Variants in TENM2 observed in about 807,000 individuals in gnomAD.
TENM2 encodes the protein teneurin transmembrane protein 2.
A neutral mutation model predicts 245.2 loss-of-function variants in TENM2; 52 were observed. That is an observed-to-expected ratio of 0.21 (90% confidence interval 0.17 to 0.27). TENM2 has a LOEUF of 0.27. Among genes scored for constraint, TENM2 ranks in the 10% least tolerant of loss-of-function variants. The pLI is 1.00. For missense variants in TENM2, 3,046 were observed against 3,666.8 expected (o/e 0.83, Z 4.37); for synonymous variants, 1,363 against 1,438.9 (o/e 0.95, Z 1.19).
intron 27 of TENM2, among the ~76,000 whole-genome samples, chr5:168,253,586 C>T (rs541338336): frequency 9.2e-5 from 14 of 151,876 alleles, no homozygotes; most frequent in African/African-American, 3.1e-4. Flanking sequence ...CCACCACGCC[C>T]GGCTAATTGT....
the TENM2 span, among the ~76,000 whole-genome samples, chr5:167,146,672 C>T: frequency 1.6e-4 from 25 of 152,110 alleles, no homozygotes; most frequent in Non-Finnish European, 2.8e-4. Context: ...AGCCTGAAAA[C>T]GGACTCGAAT....
intron 2 of TENM2, among the ~76,000 whole-genome samples, chr5:167,401,027 G>T (rs1762337891): frequency 6.6e-6 from 1 of 151,964 alleles, no homozygotes; most frequent in Non-Finnish European, 1.5e-5. Flanking sequence ...GGAGGTTGAG[G>T]CTGCAGTAAA....
At chr5:167,985,177 T>C (rs1420619599) in intron 4 of TENM2, among the ~76,000 whole-genome samples, 1 of 152,232 alleles carries the variant, frequency 6.6e-6, no homozygotes, top group Non-Finnish European at 1.5e-5. Flanking sequence ...AGTGCACACC[T>C]GATCTCCCTC....
At chr5:167,129,282 G>A in the TENM2 span, among the ~76,000 whole-genome samples, 1 of 152,066 alleles carries the variant, frequency 6.6e-6, no homozygotes, top group Non-Finnish European at 1.5e-5. Context: ...ATTTATTGCT[G>A]GTGTCCCGGC....
intron 2 of TENM2, among the ~76,000 whole-genome samples, chr5:167,840,136 C>T (rs1267817497): frequency 3.3e-5 from 5 of 152,196 alleles, no homozygotes; most frequent in Non-Finnish European, 4.4e-5. Flanking sequence ...TTTCCTTATT[C>T]AAGGCCAACC....
At chr5:167,232,024 C>T in the TENM2 span, among the ~76,000 whole-genome samples, 1 of 152,192 alleles carries the variant, frequency 6.6e-6, no homozygotes, top group Admixed American at 6.5e-5. Context: ...TGGTATTAGA[C>T]CTGTGGTTGC....
chr5:167,161,468 A>C, the TENM2 span, among the ~76,000 whole-genome samples: 29 of 152,368 alleles, frequency 1.9e-4, no homozygotes, highest in Non-Finnish European at 3.7e-4. Context: ...CAAGGTTAGA[A>C]AGCCGAAGTT....
At chr5:167,445,443 A>T (rs1287945786) in intron 2 of TENM2, among the ~76,000 whole-genome samples, 1 of 151,190 alleles carries the variant, frequency 6.6e-6, no homozygotes, top group Admixed American at 6.6e-5. Flanking sequence ...CTTGATGTGC[A>T]TGCAGCCCAG....
At chr5:167,538,562 T>A (rs1385885332) in intron 2 of TENM2, among the ~76,000 whole-genome samples, 3 of 152,204 alleles carry the variant, frequency 2.0e-5, no homozygotes, top group Non-Finnish European at 4.4e-5. Flanking sequence ...ACTTGGTGTT[T>A]GTAACAGTTG....
chr5:167,662,696 C>T (rs1238106942), intron 2 of TENM2, among the ~76,000 whole-genome samples: 2 of 152,004 alleles, frequency 1.3e-5, no homozygotes, highest in African/African-American at 4.8e-5. Flanking sequence ...TTTTGTTCAC[C>T]ATTGTTTCTT....
intron 2 of TENM2, among the ~76,000 whole-genome samples, chr5:167,758,756 G>A (rs139730815): frequency 4.6e-5 from 7 of 152,206 alleles, no homozygotes; most frequent in African/African-American, 1.4e-4. Flanking sequence ...CATGCACACT[G>A]ACATAACTTC....
chr5:167,436,694 G>C (rs62388814), intron 2 of TENM2, among the ~76,000 whole-genome samples: 27,027 of 152,058 alleles, frequency 0.18, 2,836 homozygotes, highest in Middle Eastern at 0.24. Flanking sequence ...TGGGCCCAGG[G>C]TTCCCGTGCT....
intron 10 of TENM2, among the ~76,000 whole-genome samples, chr5:168,121,564 C>A (rs12653410): frequency 6.6e-6 from 1 of 152,130 alleles, no homozygotes; most frequent in East Asian, 1.9e-4. Flanking sequence ...ATTCTAGTAC[C>A]GGCGCTAATA....
At chr5:167,584,292 G>A (rs1329548858) in intron 2 of TENM2, among the ~76,000 whole-genome samples, 1 of 152,210 alleles carries the variant, frequency 6.6e-6, no homozygotes, top group East Asian at 1.9e-4. Context: ...AATTTTCTGG[G>A]ATCTAAATAC....
At chr5:167,159,436 C>T in the TENM2 span, among the ~76,000 whole-genome samples, 2 of 152,144 alleles carry the variant, frequency 1.3e-5, no homozygotes, top group African/African-American at 4.8e-5. Flanking sequence ...TAATGACAAA[C>T]ATATTGTATT....
Position 167,507,085 on chromosome 5 carries a change from T to C in TENM2, c.502+131612T>C, listed in dbSNP as rs181311697. Among the ~76,000 whole-genome samples the C allele has an allele frequency of 3.5e-3, 539 of 152,326 alleles. 3 individuals carry two copies. The highest frequency in any genetic ancestry group is 0.012 in the African/African-American group (493 of 41,584). On this transcript the variant is annotated intron_variant, in intron 2 of 28. Transcript: ENST00000518659. The stretch of plus-strand genomic sequence containing the variant: ...GAATTTGTAATTGGATTTCTGTATG[T>C]TTTTCTTAAGAATGCAACTATCAAC...
At chr5:167,573,456 A>T (rs1018801784) in intron 2 of TENM2, among the ~76,000 whole-genome samples, 2 of 151,978 alleles carry the variant, frequency 1.3e-5, no homozygotes, top group Admixed American at 1.3e-4. Flanking sequence ...CTTTATTCTG[A>T]GAATCCTTTG....
chr5:167,925,933 A>T (rs986612782), intron 3 of TENM2, among the ~76,000 whole-genome samples: 1 of 152,146 alleles, frequency 6.6e-6, no homozygotes, highest in African/African-American at 2.4e-5. Context: ...GAAGGAAACA[A>T]CAGACGCTGG....
chr5:167,717,658 A>G (rs1471351269), intron 2 of TENM2, among the ~76,000 whole-genome samples: 1 of 152,138 alleles, frequency 6.6e-6, no homozygotes, highest in Non-Finnish European at 1.5e-5. Context: ...GACTTATAGC[A>G]AAGGAATTGA....
Sources: gnomAD v4.1 joint callset for allele counts (sites outside exome capture counted in the v4.1 genomes callset) on GRCh38, gnomAD v4.1.1 for gene constraint, MANE v1.5 for transcripts, NCBI Gene and HGNC (gene_info 2026-07-23, HGNC 2026-07-21) for gene names.